The following DDR2 variants were observed in gnomAD, a reference collection of about 807,000 sequenced individuals.
The protein encoded by DDR2 is discoidin domain receptor tyrosine kinase 2, also known as discoidin domain-containing receptor 2.
A neutral mutation model predicts 94.9 loss-of-function variants in DDR2; 27 were observed. That is an observed-to-expected ratio of 0.28 (90% CI 0.21 to 0.39). DDR2 has a LOEUF of 0.39. Among genes scored for constraint, DDR2 ranks in the 10% least tolerant of loss-of-function variants. DDR2 has a pLI of 1.00. For missense variants in DDR2, 783 were observed against 1,076.0 expected (o/e 0.73, Z 3.81); for synonymous variants, 382 against 377.2 (o/e 1.01, Z -0.15).
intron 17 of DDR2, 67 bp from the exon 18 acceptor site, chr1:162,780,044 CT>C: frequency 1.2e-6 from 2 of 1,606,828 alleles, no homozygotes; most frequent in Non-Finnish European, 1.7e-6. Context: ...AGATACTTCC[CT>C]TTCCCCCGTC....
At chr1:162,686,148 C>T (rs1659677673) in intron 2 of DDR2, among the ~76,000 whole-genome samples, 1 of 152,122 alleles carries the variant, frequency 6.6e-6, no homozygotes, top group Non-Finnish European at 1.5e-5. Flanking sequence ...ACTTTATCCT[C>T]TGGAGTAGCT....
At chr1:162,769,071 A>G (rs1035060494) in intron 11 of DDR2, among the ~76,000 whole-genome samples, 4 of 152,112 alleles carry the variant, frequency 2.6e-5, no homozygotes. Context: ...CTGCTATATG[A>G]GCTCTTTTTC....
At chr1:162,714,974 G>A (rs1452072347) in intron 2 of DDR2, among the ~76,000 whole-genome samples, 1 of 152,170 alleles carries the variant, frequency 6.6e-6, no homozygotes, top group Non-Finnish European at 1.5e-5. Context: ...TTTCCTAGCA[G>A]CTCCTTGACA....
intron 1 of DDR2, among the ~76,000 whole-genome samples, chr1:162,651,939 T>C (rs193169374): frequency 1.3e-5 from 2 of 152,316 alleles, no homozygotes; most frequent in Admixed American, 1.3e-4. Flanking sequence ...GTTAAGGATA[T>C]TTGTCTCACC....
At chr1:162,732,807 A>G (rs138193595) in intron 3 of DDR2, among the ~76,000 whole-genome samples, 1 of 152,356 alleles carries the variant, frequency 6.6e-6, no homozygotes, top group Non-Finnish European at 1.5e-5. Context: ...TGGAGCTAGT[A>G]GTGAGATGGT....
chr1:162,638,233 C>G (rs1181057700), intron 1 of DDR2, among the ~76,000 whole-genome samples: 2 of 152,136 alleles, frequency 1.3e-5, no homozygotes, highest in Admixed American at 1.3e-4. Flanking sequence ...GTTGGCCAGG[C>G]TGGTCTCAAA....
chr1:162,778,640 A>G lies in DDR2; in HGVS notation c.2344A>G (p.Thr782Ala), dbSNP rs1441490871. Residue 782 changes from threonine to alanine, a missense_variant, in exon 17 of 18, where the codon ACC becomes GCC. Physicochemically the swap from Thr to Ala is moderately conservative, Grantham distance 58. Transcript: ENST00000367921. Reference protein sequence around the residue: ...AFGVTLWETFTFCQEQPYSQL... With the variant: ...AFGVTLWETFAFCQEQPYSQL... ...TGGGGTTACTTTGTGGGAGACTTTC[A>G]CCTTTTGTCAAGAACAGCCCTATTC... The G allele has an allele frequency of 7.4e-6, 12 of 1,613,866 alleles. No individual in the cohort carries two copies. The highest frequency in any genetic ancestry group is 1.0e-5 in the Non-Finnish European group (12 of 1,179,936).
At chr1:162,646,650 G>C (rs1204953496) in intron 1 of DDR2, among the ~76,000 whole-genome samples, 1 of 152,138 alleles carries the variant, frequency 6.6e-6, no homozygotes, top group Non-Finnish European at 1.5e-5. Flanking sequence ...CTGTTTAACT[G>C]CAACTAGGAA....
intron 2 of DDR2, among the ~76,000 whole-genome samples, chr1:162,668,917 A>T (rs961611327): frequency 1.3e-5 from 2 of 152,202 alleles, no homozygotes; most frequent in Admixed American, 1.3e-4. Flanking sequence ...ATAGGTAGGG[A>T]TGTGGAGAGA....
At chr1:162,659,186 A>G (rs1658168602) in intron 2 of DDR2, among the ~76,000 whole-genome samples, 1 of 152,228 alleles carries the variant, frequency 6.6e-6, no homozygotes, top group Admixed American at 6.5e-5. Flanking sequence ...CTAATAGGAA[A>G]GGAAAGGAAT....
chr1:162,650,520 T>C (rs1457060029), intron 1 of DDR2, among the ~76,000 whole-genome samples: 3 of 152,042 alleles, frequency 2.0e-5, no homozygotes, highest in Admixed American at 1.3e-4. Context: ...CGCTTGAACC[T>C]GGGAGGCAGA....
chr1:162,699,609 T>G, intron 2 of DDR2, among the ~76,000 whole-genome samples: 1 of 152,222 alleles, frequency 6.6e-6, no homozygotes, highest in South Asian at 2.1e-4. Flanking sequence ...TTGGATACAG[T>G]TATGCCATTC....
chr1:162,728,380 A>C (rs962921604), intron 3 of DDR2, among the ~76,000 whole-genome samples: 1 of 151,960 alleles, frequency 6.6e-6, no homozygotes, highest in Non-Finnish European at 1.5e-5. Flanking sequence ...AGGCCAGGTA[A>C]AAAGAGGAAG....
chr1:162,742,009 G>A (rs1662635620), intron 3 of DDR2, among the ~76,000 whole-genome samples: 1 of 152,194 alleles, frequency 6.6e-6, no homozygotes, highest in African/African-American at 2.4e-5. Context: ...TCCTGTGTTA[G>A]TGTTTCCTCA....
intron 1 of DDR2, among the ~76,000 whole-genome samples, chr1:162,650,677 C>T (rs2101901934): frequency 6.6e-6 from 1 of 152,234 alleles, no homozygotes; most frequent in South Asian, 2.1e-4. Flanking sequence ...CGACTCCCTC[C>T]TTCTTCCCTC....
intron 2 of DDR2, among the ~76,000 whole-genome samples, chr1:162,670,672 C>A (rs79767411): frequency 2.2e-4 from 34 of 152,182 alleles, no homozygotes; most frequent in South Asian, 4.1e-4. Flanking sequence ...AATATAAACC[C>A]AATACTTTGG....
intron 2 of DDR2, among the ~76,000 whole-genome samples, chr1:162,661,035 C>T (rs944468411): frequency 5.9e-5 from 9 of 152,194 alleles, no homozygotes; most frequent in Admixed American, 2.0e-4. Context: ...TGGCAAACTT[C>T]GCAAGCCCAT....
intron 14 of DDR2, 148 bp downstream of exon 14, chr1:162,773,744 C>A: frequency 9.2e-7 from 1 of 1,092,220 alleles, no homozygotes; most frequent in Non-Finnish European, 1.3e-6. Context: ...TTTCTTATTC[C>A]GATGGGGTCG....
chr1:162,730,741 T>G (rs1413063178), intron 3 of DDR2, among the ~76,000 whole-genome samples: 1 of 152,158 alleles, frequency 6.6e-6, no homozygotes, highest in Non-Finnish European at 1.5e-5. Context: ...GGTCCTGAAC[T>G]CTAATCTGTG....
Sources: allele counts gnomAD v4.1 joint callset (sites outside exome capture counted in the v4.1 genomes callset), GRCh38; gene constraint gnomAD v4.1.1; transcripts MANE v1.5; gene names NCBI Gene and HGNC (gene_info 2026-07-23, HGNC 2026-07-21).